The following RAB27A variants were observed in gnomAD, a reference collection of about 807,000 sequenced individuals.
RAB27A encodes the protein ras-related protein Rab-27A.
RAB27A carries 17 observed loss-of-function variants against 20.8 expected under a neutral mutation model. That is an observed-to-expected ratio of 0.82 (90% confidence interval 0.56 to 1.23). The LOEUF (loss-of-function observed/expected upper bound fraction) is 1.23, where lower values mean the gene tolerates loss of function less well. RAB27A is among the 50% of genes most tolerant of loss of function. RAB27A has a pLI of 0.00. For missense variants in RAB27A, 277 were observed against 266.7 expected, an observed-to-expected ratio of 1.04 and a Z score of -0.27; for synonymous variants, 85 against 92.8, an observed-to-expected ratio of 0.92 and a Z score of 0.48.
intron 6 of RAB27A, among the ~76,000 whole-genome samples, chr15:55,208,959 T>C (rs1894784694): frequency 6.6e-6 from 1 of 152,190 alleles, no homozygotes; most frequent in Non-Finnish European, 1.5e-5. Context: ...GGAAGGAGAA[T>C]GGAATCAGCA....
In RAB27A at chr15:55,301,082, G is replaced by A. The variant is rs780819967; in HGVS notation, c.-112+12957C>T. On this transcript the variant is annotated intron_variant, in intron 2 of 5. Transcript: ENST00000563262. ...TACAAGCAGACTAGAAAATGCCACC[G>A]TGACCTTTCAGTTAAGAGTGGGAGT... Among the ~76,000 whole-genome samples the A allele has an allele frequency of 5.3e-5, 8 of 152,212 alleles. No individual in the cohort carries two copies. In the Middle Eastern group the frequency reaches 0.01, roughly 194 times the overall value.
At chr15:55,242,098 T>C (rs1896516817) in intron 2 of RAB27A, among the ~76,000 whole-genome samples, 1 of 152,084 alleles carries the variant, frequency 6.6e-6, no homozygotes, top group Non-Finnish European at 1.5e-5. Flanking sequence ...CCCCCACTAT[T>C]AGGCAGAATC....
At chr15:55,297,921 G>A (rs72742273) in intron 2 of RAB27A, among the ~76,000 whole-genome samples, 21,332 of 152,070 alleles carry the variant, frequency 0.14, 2,171 homozygotes, top group East Asian at 0.55. Context: ...TCCCAGTTGT[G>A]GCCAGGCACA....
chr15:55,318,011 AG>A (rs1437624974), intron 1 of RAB27A: 3 of 321,988 alleles, frequency 9.3e-6, no homozygotes, highest in Non-Finnish European at 1.7e-5. Context: ...TAAGGAGTAC[AG>A]GAAGTGAATT....
chr15:55,272,215 G>A (rs1357248748), intron 1 of RAB27A, among the ~76,000 whole-genome samples: 2 of 151,978 alleles, frequency 1.3e-5, no homozygotes, highest in Non-Finnish European at 2.9e-5. Flanking sequence ...TGGCTAACAC[G>A]GTGAAACCCC....
intron 2 of RAB27A, among the ~76,000 whole-genome samples, chr15:55,246,454 A>T (rs1463800880): frequency 1.3e-5 from 2 of 151,974 alleles, no homozygotes; most frequent in Non-Finnish European, 2.9e-5. Context: ...CATTGACTTC[A>T]TTTACCCAAA....
rs559206096 is a variant in RAB27A at position 55,275,798 on chromosome 15, G to T, written c.-142-5514C>A. On this transcript the variant is annotated intron_variant, in intron 1 of 6. Transcript: ENST00000336787. ...AGACCTGAATAGACATTTTTTCAAA[G>T]AATACATTAAAAATGGTCAACAAGT... Among the ~76,000 whole-genome samples the T allele has an allele frequency of 1.7e-4, 26 of 149,480 alleles. No individual in the cohort carries two copies. The East Asian group carries it at 5.1e-3, about 29-fold the overall frequency.
At chr15:55,257,757 C>G (rs1897130354) in intron 2 of RAB27A, among the ~76,000 whole-genome samples, 1 of 152,176 alleles carries the variant, frequency 6.6e-6, no homozygotes, top group Admixed American at 6.5e-5. Flanking sequence ...CTTTGGCAGG[C>G]CAAAGCTGGC....
chr15:55,220,244 TG>T (rs759805844), intron 6 of RAB27A, among the ~76,000 whole-genome samples: 5 of 147,798 alleles, frequency 3.4e-5, no homozygotes, highest in African/African-American at 5.1e-5. Flanking sequence ...GGGGTTTTTT[TG>T]TTTGTTTGTT....
chr15:55,304,832 CAT>C (rs36001856), intron 2 of RAB27A, among the ~76,000 whole-genome samples: 12,642 of 147,996 alleles, frequency 0.085, 609 homozygotes, highest in East Asian at 0.18. Context: ...TTAGTGTGAA[CAT>C]ATATATATAT....
chr15:55,313,755 C>T (rs993187259), intron 2 of RAB27A, among the ~76,000 whole-genome samples: 8 of 151,914 alleles, frequency 5.3e-5, no homozygotes, highest in African/African-American at 1.9e-4. Flanking sequence ...GGGCGGATCA[C>T]GAGGTCAGGA....
chr15:55,306,605 T>A (rs1044647828), intron 2 of RAB27A, among the ~76,000 whole-genome samples: 2 of 152,178 alleles, frequency 1.3e-5, no homozygotes, highest in African/African-American at 4.8e-5. Flanking sequence ...ACAACTAGGA[T>A]TAATCATTTT....
chr15:55,210,139 A>G (rs1250694196), intron 6 of RAB27A, among the ~76,000 whole-genome samples: 2 of 128,082 alleles, frequency 1.6e-5, no homozygotes, highest in African/African-American at 7.3e-5. Context: ...TAGTGTATAT[A>G]TGTATGTGTA....
chr15:55,259,166 T>C (rs1897187122), intron 2 of RAB27A, among the ~76,000 whole-genome samples: 1 of 152,018 alleles, frequency 6.6e-6, no homozygotes, highest in African/African-American at 2.4e-5. Flanking sequence ...GGATACTATT[T>C]ATAAGTTATG....
intron 2 of RAB27A, among the ~76,000 whole-genome samples, chr15:55,243,244 A>C (rs1183695328): frequency 6.6e-6 from 1 of 152,152 alleles, no homozygotes; most frequent in Non-Finnish European, 1.5e-5. Context: ...CCCATAAATC[A>C]TCTTTCTTTC....
At chr15:55,295,353 C>T (rs1485672877) in intron 2 of RAB27A, among the ~76,000 whole-genome samples, 1 of 152,072 alleles carries the variant, frequency 6.6e-6, no homozygotes, top group African/African-American at 2.4e-5. Context: ...AGAACTATGC[C>T]TAAAAGAACT....
At chr15:55,239,278 CA>C (rs1367505681) in intron 2 of RAB27A, among the ~76,000 whole-genome samples, 9 of 152,076 alleles carry the variant, frequency 5.9e-5, no homozygotes, top group Non-Finnish European at 1.3e-4. Context: ...TAGACTGGTT[CA>C]AAACAGTCTG....
Position 55,205,428 on chromosome 15 carries a change from TCTCA to T in RAB27A, c.*75_*78del, listed in dbSNP as rs1232158240. 3.5e-6 allele frequency: 5 copies of T among 1,426,138 alleles called. No homozygotes were observed. The African/African-American group carries it at 4.3e-5, about 12-fold the overall frequency. 88.3% of individuals were successfully genotyped at this position (1,426,138 alleles called of 1,614,324 possible). The stretch of plus-strand genomic sequence containing the variant: ...AATTTGTACACAATGCCCATTAATC[TCTCA>T]CTGTGCCATGTATCAATCATAGAGA... On this transcript the variant is annotated 3_prime_UTR_variant, in exon 7 of 7. Transcript: ENST00000336787.
At chr15:55,228,533 G>A (rs922635835) in intron 5 of RAB27A, 76 bp downstream of exon 5, 1 of 1,124,070 alleles carries the variant, frequency 8.9e-7, no homozygotes. Context: ...ATTTGTCACA[G>A]AAGTAGAGCA....
Sources: allele counts gnomAD v4.1 joint callset (sites outside exome capture counted in the v4.1 genomes callset), GRCh38; gene constraint gnomAD v4.1.1; transcripts MANE v1.5; gene names NCBI Gene and HGNC (gene_info 2026-07-23, HGNC 2026-07-21).